FMN1: variants seen among roughly 807,000 people sequenced by gnomAD.
FMN1 encodes formin-1.
Under a neutral mutation model 132.4 loss-of-function variants are expected in FMN1, and 110 were observed. The ratio of observed to expected loss-of-function variants is 0.83; its 90% CI spans 0.71 to 0.97. The LOEUF (loss-of-function observed/expected upper bound fraction) is 0.97, where lower values mean the gene tolerates loss of function less well. Among genes scored for constraint, FMN1 ranks in the 50% least tolerant of loss-of-function variants. The pLI is 0.00. For synonymous variants in FMN1, 722 were observed against 651.7 expected (o/e 1.11, Z -1.64); for missense variants, 1,792 against 1,705.3 (o/e 1.05, Z -0.90).
intron 6 of FMN1, among the ~76,000 whole-genome samples, chr15:33,022,060 G>GT (rs1355062586): frequency 6.6e-6 from 1 of 152,204 alleles, no homozygotes; most frequent in African/African-American, 2.4e-5. Context: ...ACTAAAATCC[G>GT]TGAGTCCTTA....
Position 32,790,293 on chromosome 15 carries a change from G to A in FMN1, c.4130+8511C>T, listed in dbSNP as rs145369760. Among the ~76,000 whole-genome samples, 37 of 152,302 alleles carry A rather than the reference G, an allele frequency of 2.4e-4. 1 individual carries two copies. The East Asian group carries it at 6.9e-3, about 29-fold the overall frequency. On this transcript the variant is annotated intron_variant, in intron 19 of 20. Transcript: ENST00000616417. ...AGCTCATTTTCTACTTAAAATCACA[G>A]GAAGTCAGGGTTGGAAGAGAACTGC...
intron 15 of FMN1, 56 bp downstream of exon 15, chr15:32,898,778 A>G: frequency 8.9e-7 from 1 of 1,129,490 alleles, no homozygotes; most frequent in Non-Finnish European, 1.3e-6. Flanking sequence ...CATCCAACTT[A>G]TGAATGTCAA....
chr15:32,795,102 A>G (rs1163711157), intron 19 of FMN1, among the ~76,000 whole-genome samples: 1 of 152,236 alleles, frequency 6.6e-6, no homozygotes, highest in Non-Finnish European at 1.5e-5. Context: ...CAGTAGGCTA[A>G]GGCAGGAGGA....
At chr15:32,847,668 C>T (rs1011176511) in intron 17 of FMN1, among the ~76,000 whole-genome samples, 13 of 152,148 alleles carry the variant, frequency 8.5e-5, no homozygotes, top group Non-Finnish European at 1.5e-4. Flanking sequence ...TCCTGGCTAA[C>T]GCAGTGAAAC....
intron 10 of FMN1, among the ~76,000 whole-genome samples, chr15:32,911,961 T>C (rs982316561): frequency 3.9e-5 from 6 of 152,214 alleles, no homozygotes; most frequent in Admixed American, 3.3e-4. Flanking sequence ...CATTTTTAAA[T>C]GTCTAGTGCG....
chr15:32,823,171 T>TG (rs2058273865), intron 17 of FMN1, among the ~76,000 whole-genome samples: 3 of 122,626 alleles, frequency 2.4e-5, no homozygotes, highest in South Asian at 5.7e-4. Flanking sequence ...TTTTTTTTTT[T>TG]TTTTTTTTGA....
At chr15:33,093,439 T>C (rs1182630378) in intron 4 of FMN1, among the ~76,000 whole-genome samples, 3 of 151,728 alleles carry the variant, frequency 2.0e-5, no homozygotes, top group Non-Finnish European at 4.4e-5. Context: ...GCTTGTGGAG[T>C]GGATGTGTGG....
chr15:33,046,000 AAAT>A (rs2036663396), intron 6 of FMN1, among the ~76,000 whole-genome samples: 1 of 152,210 alleles, frequency 6.6e-6, no homozygotes, highest in Non-Finnish European at 1.5e-5. Flanking sequence ...TTTAATTATG[AAAT>A]AATAAAAGAT....
chr15:33,123,645 T>C lies in FMN1; in HGVS notation c.1867+29403A>G, dbSNP rs116641613. ...TTGTTGATCAAACAGCTAGCTATTTTATAGAATGCATGTTTTAACACAGAT... is the reference window on the plus strand; with the variant it reads ...TTGTTGATCAAACAGCTAGCTATTTCATAGAATGCATGTTTTAACACAGAT... On this transcript the variant is annotated intron_variant, in intron 4 of 20. Coordinates refer to ENST00000616417, the MANE Select transcript of FMN1 (RefSeq NM_001277313.2). 1.9e-3 allele frequency among the ~76,000 whole-genome samples: 283 copies of C among 152,328 alleles called. 4 individuals are homozygous for C. The highest frequency in any genetic ancestry group is 6.6e-3 in the African/African-American group (275 of 41,590).
At chr15:33,069,993 C>CTCTCTTTTTTTTTTTT (rs398026774) in intron 5 of FMN1, among the ~76,000 whole-genome samples, 4 of 74,292 alleles carry the variant, frequency 5.4e-5, no homozygotes, top group Non-Finnish European at 9.8e-5. Flanking sequence ...CAGTCTTTCT[C>CTCTCTTTTTTTTTTTT]TTTTTTTTTT....
rs1281698107 is a variant in FMN1, at chr15:32,785,216, A to ATT, written c.4131-8298_4131-8297insAA. On this transcript the variant is annotated intron_variant, in intron 19 of 20. Transcript: ENST00000616417. ...TGTGTGTGTGTATATATATATATATATATTTTTTTTTTTTTTTTTTTGTAG... is the reference window on the plus strand; with the variant it reads ...TGTGTGTGTGTATATATATATATATATTTATTTTTTTTTTTTTTTTTTTGTAG... 3.5e-4 allele frequency among the ~76,000 whole-genome samples: 7 copies of ATT among 20,112 alleles called. 1 individual carries two copies. Among genetic ancestry groups the ATT allele is most frequent in the African/African-American group, 8.3e-4 (6 of 7,256 alleles). 13.2% of individuals were successfully genotyped at this position (20,112 alleles called of 152,430 possible).
rs538421784 is a variant in FMN1, at chr15:33,124,045, A to G, written c.1867+29003T>C. On this transcript the variant is annotated intron_variant, in intron 4 of 20. Coordinates refer to ENST00000616417, the MANE Select transcript of FMN1 (RefSeq NM_001277313.2). ...GCAAAGGACTGGGGAACTACTCTCTAGAGTATAACTTAGAAAATGTGCCCG... is the reference window on the plus strand; with the variant it reads ...GCAAAGGACTGGGGAACTACTCTCTGGAGTATAACTTAGAAAATGTGCCCG... Among the ~76,000 whole-genome samples the G allele has an allele frequency of 8.7e-4, 133 of 152,288 alleles. 1 individual carries two copies. Among genetic ancestry groups the G allele is most frequent in the African/African-American group, 3.1e-3 (128 of 41,562 alleles).
chr15:32,966,495 A>G (rs755123651), intron 8 of FMN1, among the ~76,000 whole-genome samples: 1 of 152,108 alleles, frequency 6.6e-6, no homozygotes, highest in Non-Finnish European at 1.5e-5. Flanking sequence ...GGAGAGAGAG[A>G]GAAAGAGGAG....
intron 9 of FMN1, among the ~76,000 whole-genome samples, chr15:32,956,360 CT>C (rs68023229): frequency 0.15 from 22,373 of 147,276 alleles, 2,187 homozygotes; most frequent in African/African-American, 0.29. Flanking sequence ...CCTAACCACT[CT>C]TTTTTTTTTT....
intron 4 of FMN1, among the ~76,000 whole-genome samples, chr15:33,132,260 A>C (rs981919640): frequency 2.0e-5 from 3 of 152,142 alleles, no homozygotes; most frequent in African/African-American, 7.2e-5. Flanking sequence ...ATTTTCAATA[A>C]ATCAGCACTT....
At chr15:33,012,603 C>T (rs1255854225) in intron 6 of FMN1, 7 of 1,129,000 alleles carry the variant, frequency 6.2e-6, no homozygotes, top group Admixed American at 3.4e-5. Context: ...ATAAGACTGT[C>T]GTTCAGAAAT....
intron 7 of FMN1, among the ~76,000 whole-genome samples, chr15:32,981,475 G>A (rs1245927502): frequency 2.0e-5 from 3 of 150,228 alleles, no homozygotes; most frequent in East Asian, 2.0e-4. Context: ...CCGAGATCGC[G>A]CCACTGCACT....
chr15:32,946,428 G>C (rs2061513269), intron 9 of FMN1, among the ~76,000 whole-genome samples: 1 of 152,176 alleles, frequency 6.6e-6, no homozygotes, highest in African/African-American at 2.4e-5. Context: ...GATTTGCCCA[G>C]AGATGCCTAG....
At chr15:32,933,343 T>C (rs1474417443) in intron 9 of FMN1, among the ~76,000 whole-genome samples, 4 of 152,238 alleles carry the variant, frequency 2.6e-5, no homozygotes, top group East Asian at 3.8e-4. Flanking sequence ...AAAAGATACA[T>C]GGTATAATTC....
Sources: allele counts gnomAD v4.1 joint callset (sites outside exome capture counted in the v4.1 genomes callset), GRCh38; gene constraint gnomAD v4.1.1; transcripts MANE v1.5; gene names NCBI Gene and HGNC (gene_info 2026-07-23, HGNC 2026-07-21).